The following TRPC4AP variants were observed in gnomAD, a reference collection of about 807,000 sequenced individuals.
TRPC4AP encodes short transient receptor potential channel 4-associated protein.
TRPC4AP carries 45 observed loss-of-function variants against 99.0 expected under a neutral mutation model. The ratio of observed to expected loss-of-function variants is 0.45; its 90% CI spans 0.36 to 0.58. The LOEUF is 0.58. Ranked by LOEUF, TRPC4AP falls within the 20% of genes least tolerant of loss-of-function variation. The probability of loss-of-function intolerance (pLI) is 0.00; values close to 1 mark genes in which losing one functional copy is unlikely to be tolerated. For synonymous variants in TRPC4AP, 408 were observed against 385.8 expected (o/e 1.06, Z -0.67); for missense variants, 879 against 985.3 (o/e 0.89, Z 1.44).
chr20:35,014,315 T>TTTC (rs1332710535), intron 10 of TRPC4AP, among the ~76,000 whole-genome samples: 1 of 8,520 alleles, frequency 1.2e-4, no homozygotes, highest in Non-Finnish European at 1.7e-4. Flanking sequence ...TCAGGCAGAA[T>TTTC]TTTTTTTTTT....
intron 3 of TRPC4AP, among the ~76,000 whole-genome samples, chr20:35,064,486 A>C (rs2084089228): frequency 6.6e-6 from 1 of 152,248 alleles, no homozygotes; most frequent in South Asian, 2.1e-4. Flanking sequence ...ATAATTCAAC[A>C]TCCTGAATTA....
At chr20:35,034,541 G>T (rs544366511) in intron 8 of TRPC4AP, among the ~76,000 whole-genome samples, 1 of 152,090 alleles carries the variant, frequency 6.6e-6, no homozygotes, top group African/African-American at 2.4e-5. Context: ...AAGAAAAGCT[G>T]ATGGCCCCCC....
intron 1 of TRPC4AP, among the ~76,000 whole-genome samples, chr20:35,084,607 T>C (rs1173877786): frequency 6.3e-5 from 8 of 127,876 alleles, no homozygotes; most frequent in Admixed American, 1.7e-4. Flanking sequence ...TATGTGTATA[T>C]GTATATATGT....
Position 35,021,335 on chromosome 20 carries a change from G to A in TRPC4AP, c.1073C>T (p.Pro358Leu). 2 of 1,614,090 alleles carry A rather than the reference G, an allele frequency of 1.2e-6. No homozygotes were observed. Among genetic ancestry groups the A allele is most frequent in the Non-Finnish European group, 1.7e-6 (2 of 1,179,992 alleles). The change falls in exon 9 of 19, where the codon CCA becomes CTA. Residue 358 changes from proline to leucine, a missense_variant. This residue lies in a region of TRPC4AP where 603 missense variants were observed against 631.8 expected (regional missense o/e 0.95). Transcript: ENST00000252015. Reference sequence around the variant, plus strand: ...CAGGCCATTCTCCTCAGAAGCCCCTGGAGGAGGGAACACAATGGAGGCTGA... The same window carrying A: ...CAGGCCATTCTCCTCAGAAGCCCCTAGAGGAGGGAACACAATGGAGGCTGA... ...HNQASIVFPP[P>L]GASEENGLPH...
intron 3 of TRPC4AP, among the ~76,000 whole-genome samples, chr20:35,068,965 A>ACACACACACACACC (rs2084223047): frequency 1.9e-5 from 1 of 51,502 alleles, no homozygotes; most frequent in African/African-American, 1.0e-4. Flanking sequence ...ACACACACAC[A>ACACACACACACACC]CACACACACA....
intron 3 of TRPC4AP, among the ~76,000 whole-genome samples, chr20:35,061,942 AAGG>A (rs2084019471): frequency 6.6e-6 from 1 of 152,192 alleles, no homozygotes; most frequent in Non-Finnish European, 1.5e-5. Flanking sequence ...TGCAAATTAC[AAGG>A]AATTAGTATC....
chr20:35,042,459 C>CTT (rs1244661120), intron 7 of TRPC4AP, among the ~76,000 whole-genome samples: 1 of 152,192 alleles, frequency 6.6e-6, no homozygotes, highest in East Asian at 1.9e-4. Context: ...CTGGGGAATG[C>CTT]ACACAACTGG....
At chr20:35,039,813 T>C (rs946659976) in intron 7 of TRPC4AP, among the ~76,000 whole-genome samples, 2 of 152,088 alleles carry the variant, frequency 1.3e-5, no homozygotes, top group Non-Finnish European at 2.9e-5. Context: ...CTGGTAGTTC[T>C]GAGAATCTCA....
chr20:35,052,798 A>T (rs1035316105), intron 5 of TRPC4AP, among the ~76,000 whole-genome samples: 1 of 152,120 alleles, frequency 6.6e-6, no homozygotes, highest in Non-Finnish European at 1.5e-5. Context: ...GGCCAACAGT[A>T]CTTTTTAAAC....
intron 7 of TRPC4AP, among the ~76,000 whole-genome samples, chr20:35,035,679 A>G (rs2083301122): frequency 6.6e-6 from 1 of 152,226 alleles, no homozygotes; most frequent in African/African-American, 2.4e-5. Context: ...TTTCTGTAAC[A>G]GCAAAAAGGT....
At chr20:35,023,496 G>A (rs980490643) in intron 8 of TRPC4AP, among the ~76,000 whole-genome samples, 1 of 152,156 alleles carries the variant, frequency 6.6e-6, no homozygotes, top group Non-Finnish European at 1.5e-5. Flanking sequence ...AAACAGGCAG[G>A]AGGCAAAGAC....
At chr20:35,035,719 A>T (rs76507298) in intron 7 of TRPC4AP, among the ~76,000 whole-genome samples, 12,483 of 152,288 alleles carry the variant, frequency 0.082, 594 homozygotes, top group South Asian at 0.13. Flanking sequence ...TCAACAGCTG[A>T]TTAATTAAAT....
chr20:35,078,264 C>T, intron 1 of TRPC4AP, 90 bp from the exon 2 acceptor site: 1 of 1,387,886 alleles, frequency 7.2e-7, no homozygotes, highest in Non-Finnish European at 9.9e-7. Context: ...TCCAAACCCA[C>T]CCAGGACAGT....
chr20:35,061,903 A>C (rs1261694048), intron 3 of TRPC4AP, among the ~76,000 whole-genome samples: 1 of 152,194 alleles, frequency 6.6e-6, no homozygotes, highest in East Asian at 1.9e-4. Context: ...AGAGAGTGAA[A>C]AGACAGCTAC....
At chr20:35,067,116 T>C (rs1261659098) in intron 3 of TRPC4AP, among the ~76,000 whole-genome samples, 1 of 152,190 alleles carries the variant, frequency 6.6e-6, no homozygotes, top group East Asian at 1.9e-4. Context: ...AAGAATAAGA[T>C]GGTCATCATT....
chr20:35,083,283 C>T (rs1383253120), intron 1 of TRPC4AP, among the ~76,000 whole-genome samples: 7 of 152,064 alleles, frequency 4.6e-5, no homozygotes, highest in Admixed American at 4.6e-4. Flanking sequence ...CAAAGTTATG[C>T]AAGACGGCTA....
Position 35,074,997 on chromosome 20 carries a change from T to C in TRPC4AP, c.297+3049A>G, listed in dbSNP as rs529706967. Reference sequence around the variant, plus strand: ...TAGTTAACTCTTCTTGTTGAATTGATCCCTTTACCATTATGTAATGGCCTT... The same window carrying C: ...TAGTTAACTCTTCTTGTTGAATTGACCCCTTTACCATTATGTAATGGCCTT... On this transcript the variant is annotated intron_variant, in intron 2 of 18. Coordinates refer to ENST00000252015, the MANE Select transcript of TRPC4AP (RefSeq NM_015638.3). Among the ~76,000 whole-genome samples the C allele has an allele frequency of 1.2e-3, 188 of 152,352 alleles. 1 individual carries two copies. Among genetic ancestry groups the C allele is most frequent in the Non-Finnish European group, 3.4e-4 (23 of 68,038 alleles).
rs181494240 is a variant in TRPC4AP, at chr20:35,005,816, C to T, written c.1828-13G>A. On this transcript the variant is annotated splice_polypyrimidine_tract_variant and intron_variant, in intron 15 of 18. Transcript: ENST00000252015. ...GGAATACCTGGAACTATACAGAAAC[C>T]AAGCTCACAGCAGGCAGTGGGCTGC... 1.1e-5 allele frequency: 18 copies of T among 1,613,248 alleles called. No homozygotes were observed. Among genetic ancestry groups the T allele is most frequent in the Admixed American group, 8.3e-5 (5 of 60,022 alleles).
Position 35,013,018 on chromosome 20 carries a change from C to A in TRPC4AP, c.1399G>T (p.Asp467Tyr). 1 of 1,614,086 alleles carries A rather than the reference C, an allele frequency of 6.2e-7. No individual in the cohort carries two copies. The highest frequency in any genetic ancestry group is 8.5e-7 in the Non-Finnish European group (1 of 1,180,022). The stretch of plus-strand genomic sequence containing the variant: ...CACTCTTGTACTTACTCGTGGTGGT[C>A]ACTGAAGCTCTGAAGAAGCCTCAAA... Reference protein sequence around the residue: ...QFLRLLQSFSDHHENKYLLLN... With the variant: ...QFLRLLQSFSYHHENKYLLLN... Residue 467 changes from aspartate to tyrosine, a missense_variant, in exon 11 of 19, where the codon GAC becomes TAC. By Grantham distance (160) the Asp-to-Tyr change is radical. Coordinates refer to ENST00000252015, the MANE Select transcript of TRPC4AP (RefSeq NM_015638.3).
Sources: gnomAD v4.1 joint callset for allele counts (sites outside exome capture counted in the v4.1 genomes callset) on GRCh38, gnomAD v4.1.1 for gene constraint, gnomAD v4.1.1 regional missense constraint, MANE v1.5 for transcripts, NCBI Gene and HGNC (gene_info 2026-07-23, HGNC 2026-07-21) for gene names.